Variants in SGSM1 observed in about 807,000 individuals in gnomAD.
SGSM1 encodes RUN and TBC1 domain containing 2.
SGSM1 carries 73 observed loss-of-function variants against 133.8 expected under a neutral mutation model. The observed-to-expected ratio is 0.55, with a 90% CI of 0.45 to 0.66. The LOEUF (loss-of-function observed/expected upper bound fraction) is 0.66, where lower values mean the gene tolerates loss of function less well. Among genes scored for constraint, SGSM1 ranks in the 30% least tolerant of loss-of-function variants. SGSM1 has a pLI of 0.00. For synonymous variants in SGSM1, 563 were observed against 573.0 expected, an observed-to-expected ratio of 0.98 and a Z score of 0.25; for missense variants, 1,213 against 1,448.1, an observed-to-expected ratio of 0.84 and a Z score of 2.64.
intron 2 of SGSM1, among the ~76,000 whole-genome samples, chr22:24,822,858 T>C (rs1928563902): frequency 6.6e-6 from 1 of 152,220 alleles, no homozygotes; most frequent in Non-Finnish European, 1.5e-5. Context: ...GGTCTGATGG[T>C]GTTTGCCTCT....
chr22:24,860,918 A>ATAT (rs1300849770), intron 9 of SGSM1, among the ~76,000 whole-genome samples: 85 of 75,984 alleles, frequency 1.1e-3, no homozygotes, highest in African/African-American at 5.1e-3. Context: ...AAAAAAAAAA[A>ATAT]AAAAATATAT....
At chr22:24,847,317 C>A (rs1036847349) in intron 3 of SGSM1, among the ~76,000 whole-genome samples, 2 of 152,160 alleles carry the variant, frequency 1.3e-5, no homozygotes, top group African/African-American at 4.8e-5. Context: ...TCAAGCTATG[C>A]CCCCTGAGAG....
rs150246188 is a variant in SGSM1 at position 24,826,288 on chromosome 22, CTTTG to C, written c.64-18605_64-18602del. 4.1e-3 allele frequency among the ~76,000 whole-genome samples: 620 copies of C among 152,268 alleles called. 2 individuals are homozygous for C. The highest frequency in any genetic ancestry group is 0.014 in the African/African-American group (573 of 41,562). On this transcript the variant is annotated intron_variant, in intron 2 of 24. Transcript: ENST00000400358. ...GCATACCTATACTCAAAAGATTATTCTTTGTTTATCTGAAATTGACATTTAACTG... is the reference window on the plus strand; with the variant it reads ...GCATACCTATACTCAAAAGATTATTCTTTATCTGAAATTGACATTTAACTG...
chr22:24,873,149 A>T (rs1198911149), intron 12 of SGSM1, among the ~76,000 whole-genome samples: 1 of 151,670 alleles, frequency 6.6e-6, no homozygotes, highest in Non-Finnish European at 1.5e-5. Flanking sequence ...TTTTGTAGAG[A>T]TGGGGTTTTG....
intron 5 of SGSM1, among the ~76,000 whole-genome samples, chr22:24,851,389 T>C (rs1930458688): frequency 7.1e-6 from 1 of 140,314 alleles, no homozygotes; most frequent in Admixed American, 7.6e-5. Context: ...CTGACACTCC[T>C]TGTGGCCAGC....
At position 24,924,180 on chromosome 22, in the gene SGSM1, T is replaced by G. The variant is rs1934111562; in HGVS notation, c.3194-6T>G. ...GCTCATGAGATTTTTCTTTCTGCTC[T>G]TTCAGAAATGGCTGAGCGACACAAC... On this transcript the variant is annotated splice_region_variant and splice_polypyrimidine_tract_variant and intron_variant, in intron 24 of 24. Coordinates refer to ENST00000400358, the MANE Select transcript of SGSM1 (RefSeq NM_001098497.3). 6.2e-7 allele frequency: 1 copy of G among 1,613,746 alleles called. No homozygotes were observed. Among genetic ancestry groups the G allele is most frequent in the Non-Finnish European group, 8.5e-7 (1 of 1,179,822 alleles).
chr22:24,853,859 C>CG (rs1294987843), intron 5 of SGSM1, among the ~76,000 whole-genome samples: 1 of 146,094 alleles, frequency 6.8e-6, no homozygotes, highest in Non-Finnish European at 1.5e-5. Flanking sequence ...CCTCATGATC[C>CG]GCCCACCTTG....
intron 12 of SGSM1, among the ~76,000 whole-genome samples, chr22:24,872,134 T>A (rs970470222): frequency 3.3e-5 from 5 of 152,202 alleles, no homozygotes; most frequent in African/African-American, 1.2e-4. Flanking sequence ...CTGTCAGGCT[T>A]TTAACAGAAG....
chr22:24,902,394 T>C (rs984293954), intron 20 of SGSM1, among the ~76,000 whole-genome samples: 1 of 152,210 alleles, frequency 6.6e-6, no homozygotes, highest in Non-Finnish European at 1.5e-5. Flanking sequence ...ATATTATTCC[T>C]GTAATCCCAG....
intron 2 of SGSM1, among the ~76,000 whole-genome samples, chr22:24,817,296 AGTT>A (rs1450737574): frequency 6.6e-5 from 10 of 152,052 alleles, no homozygotes; most frequent in Non-Finnish European, 2.9e-5. Flanking sequence ...AAATCCCTGA[AGTT>A]GTAGAAACAT....
chr22:24,900,075 G>A (rs1933075387), intron 19 of SGSM1, among the ~76,000 whole-genome samples: 1 of 149,054 alleles, frequency 6.7e-6, no homozygotes. Context: ...GTGATTTGGA[G>A]GGCAGTGGCG....
chr22:24,868,281 C>G (rs1360533227), intron 10 of SGSM1, 95 bp from the exon 11 acceptor site: 3 of 1,500,620 alleles, frequency 2.0e-6, no homozygotes. Flanking sequence ...CTGGGTCTGG[C>G]TTGGCACCCC....
intron 2 of SGSM1, among the ~76,000 whole-genome samples, chr22:24,822,988 G>T (rs1037121764): frequency 6.6e-6 from 1 of 152,180 alleles, no homozygotes; most frequent in Non-Finnish European, 1.5e-5. Flanking sequence ...AACACCCATA[G>T]GTGTCTCTTG....
chr22:24,860,309 A>T (rs941246392), intron 9 of SGSM1, among the ~76,000 whole-genome samples: 1 of 152,096 alleles, frequency 6.6e-6, no homozygotes, highest in Non-Finnish European at 1.5e-5. Flanking sequence ...GGGACAGGGG[A>T]TTTCCTGCTG....
At chr22:24,854,000 C>T (rs142662893) in intron 5 of SGSM1, among the ~76,000 whole-genome samples, 1,628 of 151,190 alleles carry the variant, frequency 0.011, 20 homozygotes, top group African/African-American at 0.037. Context: ...CATCATATCT[C>T]GTGAGACTTA....
intron 2 of SGSM1, among the ~76,000 whole-genome samples, chr22:24,831,003 T>C (rs1307815623): frequency 2.6e-5 from 4 of 152,128 alleles, no homozygotes; most frequent in African/African-American, 7.2e-5. Flanking sequence ...CAGCCCTGAT[T>C]AGAGGGGCTA....
intron 9 of SGSM1, among the ~76,000 whole-genome samples, chr22:24,866,211 G>A (rs1931447781): frequency 6.6e-6 from 1 of 152,118 alleles, no homozygotes; most frequent in Non-Finnish European, 1.5e-5. Context: ...TCCCAGGTAC[G>A]CACTTCTTAA....
chr22:24,919,723 A>T, intron 23 of SGSM1, 103 bp from the exon 24 acceptor site: 1 of 1,414,118 alleles, frequency 7.1e-7, no homozygotes, highest in Non-Finnish European at 9.7e-7. Context: ...GCATAAGGCA[A>T]AACTTGCCCG....
At chr22:24,864,952 A>G (rs180895566) in intron 9 of SGSM1, among the ~76,000 whole-genome samples, 175 of 152,316 alleles carry the variant, frequency 1.1e-3, no homozygotes, top group African/African-American at 4.1e-3. Flanking sequence ...TATCTGTAAG[A>G]TGGGAATGTA....
Sources: gnomAD v4.1 joint callset for allele counts (sites outside exome capture counted in the v4.1 genomes callset) on GRCh38, gnomAD v4.1.1 for gene constraint, MANE v1.5 for transcripts, NCBI Gene and HGNC (gene_info 2026-07-23, HGNC 2026-07-21) for gene names.